The following NXN variants were observed in gnomAD, a reference collection of about 807,000 sequenced individuals.
NXN encodes the protein nucleoredoxin 1.
Under a neutral mutation model 48.6 loss-of-function variants are expected in NXN, and 16 were observed. That is an observed-to-expected ratio of 0.33 (90% confidence interval 0.22 to 0.50). The LOEUF is 0.50. Among genes scored for constraint, NXN ranks in the 20% least tolerant of loss-of-function variants. The pLI is 0.98. For synonymous variants in NXN, 281 were observed against 269.6 expected (o/e 1.04, Z -0.41); for missense variants, 492 against 605.5 (o/e 0.81, Z 1.97).
intron 1 of NXN, among the ~76,000 whole-genome samples, chr17:937,392 T>C (rs1309530064): frequency 6.6e-6 from 1 of 151,972 alleles, no homozygotes; most frequent in Non-Finnish European, 1.5e-5. Context: ...CAAGGCTGCT[T>C]GAGAACTCAG....
In NXN at chr17:842,546, G is replaced by T. The variant is rs1914389634; in HGVS notation, c.361-16468C>A. The T allele has an allele frequency of 3.0e-6, 3 of 985,304 alleles. No homozygotes were observed. In the South Asian group the frequency reaches 1.4e-4, roughly 46 times the overall value. 61.0% of individuals were successfully genotyped at this position (985,304 alleles called of 1,614,324 possible). A position where few individuals can be genotyped will look rare whatever the true frequency, so the allele number is the denominator to read the frequency against. ...CCACCTTCGAAGACGCCAACCAGAG[G>T]CACCTACGGCACATCCCGAGACACG... On this transcript the variant is annotated intron_variant, in intron 1 of 7. Transcript: ENST00000336868.
chr17:953,151 C>A (rs1347518691), intron 1 of NXN, among the ~76,000 whole-genome samples: 1 of 151,016 alleles, frequency 6.6e-6, no homozygotes, highest in African/African-American at 2.4e-5. Context: ...CCCTGAAGTC[C>A]AAACGGAAGA....
intron 1 of NXN, among the ~76,000 whole-genome samples, chr17:862,934 T>C (rs1371027384): frequency 6.6e-6 from 1 of 152,232 alleles, no homozygotes; most frequent in Non-Finnish European, 1.5e-5. Flanking sequence ...AACGGTATTA[T>C]TGCTAGGAAG....
chr17:864,707 C>G (rs1264577021), intron 1 of NXN, among the ~76,000 whole-genome samples: 1 of 152,168 alleles, frequency 6.6e-6, no homozygotes, highest in Non-Finnish European at 1.5e-5. Context: ...ACCATCATGA[C>G]CCCACTGCTC....
At chr17:959,390 G>A (rs375874656) in intron 1 of NXN, 24 of 214,604 alleles carry the variant, frequency 1.1e-4, no homozygotes, top group African/African-American at 3.5e-4. Flanking sequence ...CGGCCAGAGC[G>A]GGAGAACGGG....
chr17:968,433 C>T (rs1274252353), intron 1 of NXN, among the ~76,000 whole-genome samples: 1 of 152,142 alleles, frequency 6.6e-6, no homozygotes, highest in Non-Finnish European at 1.5e-5. Context: ...TGCAGCCCGG[C>T]GTGGTGGTGC....
chr17:966,423 C>T (rs1387142265), intron 1 of NXN, among the ~76,000 whole-genome samples: 3 of 152,034 alleles, frequency 2.0e-5, no homozygotes, highest in Non-Finnish European at 4.4e-5. Flanking sequence ...ATTTGGCTCA[C>T]CGCAACCTCC....
intron 1 of NXN, among the ~76,000 whole-genome samples, chr17:964,125 T>G (rs967684726): frequency 2.6e-5 from 4 of 152,136 alleles, no homozygotes; most frequent in Admixed American, 6.5e-5. Context: ...TGGAAAACAG[T>G]GAACACAGAG....
chr17:955,314 T>C (rs752154485), intron 1 of NXN, among the ~76,000 whole-genome samples: 3 of 151,676 alleles, frequency 2.0e-5, no homozygotes, highest in Non-Finnish European at 4.4e-5. Context: ...ATTACAGGCA[T>C]GCGCCACCAC....
Position 853,706 on chromosome 17 carries a change from T to C in NXN, c.361-27628A>G, listed in dbSNP as rs552169025. On this transcript the variant is annotated intron_variant, in intron 1 of 7. Coordinates refer to ENST00000336868, the MANE Select transcript of NXN (RefSeq NM_022463.5). ...TCTCACTATTTCTGTTATACACATA[T>C]ATATATATATATATATATTTTTTTT... is the stretch of plus-strand genomic sequence containing the variant. 4.7e-3 allele frequency among the ~76,000 whole-genome samples: 490 copies of C among 104,920 alleles called. 8 individuals are homozygous for C. The highest frequency in any genetic ancestry group is 0.023 in the African/African-American group (447 of 19,402). The allele number at this position is 104,920 out of a possible 152,430, so 68.8% of individuals were successfully genotyped here. A position where few individuals can be genotyped will look rare whatever the true frequency, so the allele number is the denominator to read the frequency against.
chr17:826,460 C>T (rs577723919), intron 1 of NXN, among the ~76,000 whole-genome samples: 33 of 152,270 alleles, frequency 2.2e-4, no homozygotes, highest in African/African-American at 7.2e-4. Flanking sequence ...TACCCTTCCA[C>T]GTCTCTAAAA....
At chr17:808,924 G>A (rs1169578736) in intron 5 of NXN, among the ~76,000 whole-genome samples, 2 of 151,666 alleles carry the variant, frequency 1.3e-5, no homozygotes, top group African/African-American at 4.8e-5. Flanking sequence ...TGATCTGCCC[G>A]CCTCGGCCTC....
intron 7 of NXN, among the ~76,000 whole-genome samples, chr17:802,907 G>C (rs1417234768): frequency 6.7e-6 from 1 of 150,336 alleles, no homozygotes; most frequent in Admixed American, 6.6e-5. Context: ...ATGGAGGGCA[G>C]GGGGCGGCCT....
At chr17:971,634 G>C (rs944346144) in intron 1 of NXN, among the ~76,000 whole-genome samples, 1 of 151,632 alleles carries the variant, frequency 6.6e-6, no homozygotes, top group African/African-American at 2.4e-5. Context: ...GGCGTGAACC[G>C]GGAAGGCGGA....
At chr17:888,773 G>A (rs2068376184) in intron 1 of NXN, among the ~76,000 whole-genome samples, 1 of 151,690 alleles carries the variant, frequency 6.6e-6, no homozygotes, top group South Asian at 2.1e-4. Flanking sequence ...TGACCAACAT[G>A]GAGAAACCCC....
In NXN at chr17:811,981, G is replaced by A. The variant is rs1422933204; in HGVS notation, c.821-6734C>T. Among the ~76,000 whole-genome samples the A allele has an allele frequency of 2.9e-5, 4 of 135,640 alleles. No homozygotes were observed. The South Asian group carries it at 7.0e-4, about 24-fold the overall frequency. The allele number at this position is 135,640 out of a possible 152,430, so 89.0% of individuals were successfully genotyped here. On this transcript the variant is annotated intron_variant, in intron 5 of 7. Coordinates refer to ENST00000336868, the MANE Select transcript of NXN (RefSeq NM_022463.5). ...CTCGCTCTGTCGCCCAGGCTGGAGT[G>A]CAGTGGCAAGATCTCGGCTCACTGC... is the stretch of plus-strand genomic sequence containing the variant.
intron 1 of NXN, among the ~76,000 whole-genome samples, chr17:881,191 G>A (rs1447928591): frequency 6.6e-6 from 1 of 152,210 alleles, no homozygotes; most frequent in Admixed American, 6.5e-5. Flanking sequence ...TCAAACCCGG[G>A]TGAGGACGTG....
At chr17:873,522 C>G (rs2068182812) in intron 1 of NXN, among the ~76,000 whole-genome samples, 1 of 137,000 alleles carries the variant, frequency 7.3e-6, no homozygotes, top group African/African-American at 2.8e-5. Context: ...GAGTCTCCGT[C>G]TCCTTCTGTA....
chr17:840,642 G>A (rs1015042900), intron 1 of NXN, among the ~76,000 whole-genome samples: 5 of 151,412 alleles, frequency 3.3e-5, no homozygotes, highest in East Asian at 2.1e-4. Context: ...CCCGGCCGGC[G>A]TGCAGACTTC....
Sources: allele counts gnomAD v4.1 joint callset (sites outside exome capture counted in the v4.1 genomes callset), GRCh38; gene constraint gnomAD v4.1.1; transcripts MANE v1.5; gene names NCBI Gene and HGNC (gene_info 2026-07-23, HGNC 2026-07-21).